Variants in B3GALT1 observed in about 807,000 individuals in gnomAD.
B3GALT1 encodes beta-1,3-galactosyltransferase 1.
B3GALT1 carries 10 observed loss-of-function variants against 23.2 expected under a neutral mutation model. The ratio of observed to expected loss-of-function variants is 0.43; its 90% confidence interval spans 0.27 to 0.73. The LOEUF (loss-of-function observed/expected upper bound fraction) is 0.73, where lower values mean the gene tolerates loss of function less well. Among genes scored for constraint, B3GALT1 ranks in the 30% least tolerant of loss-of-function variants. The pLI, the probability that B3GALT1 is intolerant of heterozygous loss-of-function variation, is 0.21. For missense variants in B3GALT1, 299 were observed against 405.4 expected (o/e 0.74, Z 2.25); for synonymous variants, 156 against 141.5 (o/e 1.10, Z -0.73).
intron 1 of B3GALT1, among the ~76,000 whole-genome samples, chr2:167,301,533 A>G (rs1050570843): frequency 6.6e-6 from 1 of 152,024 alleles, no homozygotes; most frequent in Non-Finnish European, 1.5e-5. Context: ...CCAAGACCAC[A>G]TTCTTTATGT....
chr2:167,459,779 A>G (rs1194081152), intron 1 of B3GALT1, among the ~76,000 whole-genome samples: 1 of 152,148 alleles, frequency 6.6e-6, no homozygotes, highest in Non-Finnish European at 1.5e-5. Flanking sequence ...TTTCTTGCAG[A>G]GCAGGTGCAG....
intron 2 of B3GALT1, among the ~76,000 whole-genome samples, chr2:167,569,527 CT>C (rs1461246373): frequency 6.6e-6 from 1 of 151,830 alleles, no homozygotes; most frequent in Non-Finnish European, 1.5e-5. Flanking sequence ...AAGCAATTGA[CT>C]TTTATACAAT....
chr2:167,653,921 G>C (rs1558938005), intron 3 of B3GALT1, among the ~76,000 whole-genome samples: 1 of 152,132 alleles, frequency 6.6e-6, no homozygotes, highest in Non-Finnish European at 1.5e-5. Flanking sequence ...ATTTTTCTGA[G>C]CTGTTGAAGT....
intron 2 of B3GALT1, among the ~76,000 whole-genome samples, chr2:167,611,072 C>G (rs377164285): frequency 1.3e-5 from 2 of 151,822 alleles, no homozygotes; most frequent in South Asian, 2.1e-4. Flanking sequence ...CAAATAATCT[C>G]TACACCAAAC....
intron 1 of B3GALT1, among the ~76,000 whole-genome samples, chr2:167,312,491 A>G (rs1357598): frequency 0.76 from 114,665 of 151,714 alleles, 44,521 homozygotes; most frequent in Non-Finnish European, 0.86. Context: ...TAAAATGCTC[A>G]GTACAAAGAA....
At chr2:167,686,796 C>G (rs2029082) in intron 3 of B3GALT1, among the ~76,000 whole-genome samples, 130,599 of 152,062 alleles carry the variant, frequency 0.86, 56,510 homozygotes, top group East Asian at 0.93. Flanking sequence ...GAGACCAAGC[C>G]TAAACTTGTG....
At chr2:167,641,493 A>T (rs1685652057) in intron 2 of B3GALT1, among the ~76,000 whole-genome samples, 1 of 152,196 alleles carries the variant, frequency 6.6e-6, no homozygotes, top group South Asian at 2.1e-4. Flanking sequence ...GGTATTGTGC[A>T]CAGTAAATGG....
intron 4 of B3GALT1, among the ~76,000 whole-genome samples, chr2:167,845,699 C>T (rs757076024): frequency 2.6e-5 from 4 of 151,576 alleles, no homozygotes; most frequent in African/African-American, 7.3e-5. Context: ...TCTTTAACAC[C>T]GCGCCCCCAC....
intron 2 of B3GALT1, among the ~76,000 whole-genome samples, chr2:167,587,835 T>C (rs550533758): frequency 6.6e-6 from 1 of 152,362 alleles, no homozygotes; most frequent in African/African-American, 2.4e-5. Flanking sequence ...GTATTTATTT[T>C]ATCTCTAAAA....
At chr2:167,520,866 T>A (rs748683050) in intron 2 of B3GALT1, among the ~76,000 whole-genome samples, 3 of 152,240 alleles carry the variant, frequency 2.0e-5, no homozygotes, top group Non-Finnish European at 4.4e-5. Context: ...TGGCTCAACG[T>A]TTACTTTTTC....
intron 1 of B3GALT1, among the ~76,000 whole-genome samples, chr2:167,338,673 A>G (rs1184182795): frequency 6.6e-6 from 1 of 152,104 alleles, no homozygotes; most frequent in Non-Finnish European, 1.5e-5. Flanking sequence ...TGACTCCTAG[A>G]AGAAAATTGA....
chr2:167,671,027 A>G (rs1686316551), intron 3 of B3GALT1, among the ~76,000 whole-genome samples: 1 of 152,166 alleles, frequency 6.6e-6, no homozygotes, highest in African/African-American at 2.4e-5. Flanking sequence ...AAAAAGGAGC[A>G]GGGATGGCTA....
chr2:167,433,539 G>T (rs541533249), intron 1 of B3GALT1, among the ~76,000 whole-genome samples: 1 of 152,274 alleles, frequency 6.6e-6, no homozygotes, highest in East Asian at 1.9e-4. Flanking sequence ...TTAAAATGGA[G>T]CCCTCTCAGA....
chr2:167,641,166 A>C (rs1321727033), intron 2 of B3GALT1, among the ~76,000 whole-genome samples: 1 of 152,334 alleles, frequency 6.6e-6, no homozygotes, highest in Non-Finnish European at 1.5e-5. Flanking sequence ...GACAGTTATC[A>C]GAAATAATAA....
intron 2 of B3GALT1, among the ~76,000 whole-genome samples, chr2:167,608,508 A>C (rs920748052): frequency 3.9e-5 from 6 of 151,910 alleles, no homozygotes; most frequent in Non-Finnish European, 8.8e-5. Context: ...TCTAAGTGTG[A>C]GTGTGTGTGG....
At chr2:167,521,451 C>T (rs1483028804) in intron 2 of B3GALT1, among the ~76,000 whole-genome samples, 1 of 152,008 alleles carries the variant, frequency 6.6e-6, no homozygotes, top group Non-Finnish European at 1.5e-5. Context: ...TAATCTTCCA[C>T]TCTAGGTATG....
intron 1 of B3GALT1, among the ~76,000 whole-genome samples, chr2:167,438,280 T>G (rs980235024): frequency 1.3e-5 from 2 of 152,180 alleles, no homozygotes; most frequent in African/African-American, 4.8e-5. Flanking sequence ...AAGAGACCAT[T>G]CAGAAAACAA....
intron 3 of B3GALT1, among the ~76,000 whole-genome samples, chr2:167,755,459 A>G (rs776174164): frequency 5.4e-5 from 8 of 148,446 alleles, no homozygotes; most frequent in African/African-American, 1.5e-4. Context: ...CGAGAATTCT[A>G]TGCTCCAAAA....
At chr2:167,326,185 G>A (rs1167713326) in intron 1 of B3GALT1, among the ~76,000 whole-genome samples, 2 of 145,948 alleles carry the variant, frequency 1.4e-5, no homozygotes, top group Admixed American at 6.8e-5. Context: ...GATTAGTGAT[G>A]TTGAGTTTTT....
Sources: allele counts gnomAD v4.1 joint callset (sites outside exome capture counted in the v4.1 genomes callset), GRCh38; gene constraint gnomAD v4.1.1; transcripts MANE v1.5; gene names NCBI Gene and HGNC (gene_info 2026-07-23, HGNC 2026-07-21).